The following PTPRM variants were observed in gnomAD, a reference collection of about 807,000 sequenced individuals.
PTPRM encodes protein tyrosine phosphatase receptor type M.
A neutral mutation model predicts 186.7 loss-of-function variants in PTPRM; 47 were observed. The ratio of observed to expected loss-of-function variants is 0.25; its 90% confidence interval spans 0.20 to 0.32. PTPRM has a LOEUF of 0.32. Among genes scored for constraint, PTPRM ranks in the 10% least tolerant of loss-of-function variants. The probability of loss-of-function intolerance (pLI) is 1.00; values close to 1 mark genes in which losing one functional copy is unlikely to be tolerated. For missense variants in PTPRM, 1,494 were observed against 1,865.0 expected (o/e 0.80, Z 3.66); for synonymous variants, 668 against 674.9 (o/e 0.99, Z 0.16).
intron 19 of PTPRM, among the ~76,000 whole-genome samples, chr18:8,288,660 A>C (rs2094985845): frequency 6.6e-6 from 1 of 152,094 alleles, no homozygotes. Flanking sequence ...TCCCCTTGTC[A>C]CTCACTTGAA....
At chr18:7,643,189 C>G (rs970774962) in intron 1 of PTPRM, among the ~76,000 whole-genome samples, 2 of 152,034 alleles carry the variant, frequency 1.3e-5, no homozygotes, top group Non-Finnish European at 2.9e-5. Context: ...GCTGGGTGCT[C>G]TCTTTCAATT....
intron 1 of PTPRM, among the ~76,000 whole-genome samples, chr18:7,770,267 A>T (rs954122633): frequency 6.6e-6 from 1 of 152,194 alleles, no homozygotes; most frequent in Admixed American, 6.5e-5. Flanking sequence ...TGTCCCCCAT[A>T]GCATTTATTT....
chr18:8,137,541 C>T (rs551767469), intron 13 of PTPRM, among the ~76,000 whole-genome samples: 3 of 152,286 alleles, frequency 2.0e-5, no homozygotes, highest in Admixed American at 1.3e-4. Context: ...AGTGAGCCTG[C>T]GTATTGCTGC....
intron 1 of PTPRM, among the ~76,000 whole-genome samples, chr18:7,623,260 T>C (rs536033720): frequency 6.6e-6 from 1 of 152,312 alleles, no homozygotes; most frequent in South Asian, 2.1e-4. Flanking sequence ...AGAATCACTT[T>C]GTTTTTAACC....
At chr18:8,033,126 T>C (rs1243028811) in intron 7 of PTPRM, among the ~76,000 whole-genome samples, 1 of 152,080 alleles carries the variant, frequency 6.6e-6, no homozygotes, top group Non-Finnish European at 1.5e-5. Context: ...GAGAAAAAAT[T>C]TAAAATCTGA....
At chr18:8,240,598 GGAGAGAGAGAGAGAGGGAGGGA>G (rs2094409840) in intron 14 of PTPRM, among the ~76,000 whole-genome samples, 1 of 107,002 alleles carries the variant, frequency 9.3e-6, no homozygotes, top group Non-Finnish European at 1.8e-5. Flanking sequence ...CAACCTGCAT[GGAGAGAGAGAGAGAGGGAGGGA>G]GAGAGAGAGA....
chr18:8,087,704 A>G (rs2090501782), intron 10 of PTPRM, among the ~76,000 whole-genome samples: 2 of 152,190 alleles, frequency 1.3e-5, no homozygotes, highest in Non-Finnish European at 1.5e-5. Flanking sequence ...GAGAATTGAA[A>G]TAAATTTTAA....
chr18:8,084,199 A>T (rs927691911), intron 9 of PTPRM, among the ~76,000 whole-genome samples: 5 of 152,130 alleles, frequency 3.3e-5, no homozygotes, highest in Admixed American at 6.6e-5. Flanking sequence ...GAGGGGCTCA[A>T]TGAATATGTT....
chr18:8,000,413 A>G (rs1397496473), intron 7 of PTPRM, among the ~76,000 whole-genome samples: 4 of 152,210 alleles, frequency 2.6e-5, no homozygotes, highest in Non-Finnish European at 5.9e-5. Context: ...TTTGATGTAT[A>G]ATGGTCTTAC....
At chr18:8,289,561 C>CATATATAT (rs2095012058) in intron 19 of PTPRM, among the ~76,000 whole-genome samples, 1 of 76,870 alleles carries the variant, frequency 1.3e-5, no homozygotes, top group African/African-American at 6.6e-5. Flanking sequence ...CATATATATA[C>CATATATAT]ACATATATAT....
chr18:8,346,599 A>G (rs553709234), intron 23 of PTPRM, among the ~76,000 whole-genome samples: 25 of 152,278 alleles, frequency 1.6e-4, no homozygotes, highest in Non-Finnish European at 2.5e-4. Flanking sequence ...AGTCCATAAC[A>G]GCCTGCTTAA....
intron 19 of PTPRM, among the ~76,000 whole-genome samples, chr18:8,261,100 A>C (rs567226564): frequency 6.6e-6 from 1 of 152,174 alleles, no homozygotes; most frequent in Non-Finnish European, 1.5e-5. Flanking sequence ...CAGCCCACAC[A>C]CTTTTCAGAT....
chr18:7,925,801 T>A (rs1168753651), intron 4 of PTPRM, among the ~76,000 whole-genome samples: 1 of 152,216 alleles, frequency 6.6e-6, no homozygotes, highest in African/African-American at 2.4e-5. Context: ...AAGTCCTGAC[T>A]TACCGTCCTG....
chr18:7,885,949 A>T (rs2048761555), intron 2 of PTPRM, among the ~76,000 whole-genome samples: 1 of 152,180 alleles, frequency 6.6e-6, no homozygotes, highest in Non-Finnish European at 1.5e-5. Context: ...GCTTCACAGG[A>T]TGTGGGCAAC....
chr18:7,987,451 A>G (rs2083024571), intron 7 of PTPRM, among the ~76,000 whole-genome samples: 1 of 152,186 alleles, frequency 6.6e-6, no homozygotes, highest in South Asian at 2.1e-4. Context: ...CAGACATGAG[A>G]ATCAGTGACT....
At chr18:7,835,670 A>T (rs1057117193) in intron 2 of PTPRM, among the ~76,000 whole-genome samples, 1 of 152,064 alleles carries the variant, frequency 6.6e-6, no homozygotes, top group South Asian at 2.1e-4. Context: ...TGGGATGTTG[A>T]TATCTCCAGC....
intron 5 of PTPRM, among the ~76,000 whole-genome samples, chr18:7,939,596 C>G (rs1160720861): frequency 6.6e-6 from 1 of 152,104 alleles, no homozygotes; most frequent in African/African-American, 2.4e-5. Flanking sequence ...CTGTATTTAA[C>G]CCGGTCAGAT....
In PTPRM at chr18:8,069,850, G is replaced by A. The variant is rs2089349835; in HGVS notation, c.1297G>A (p.Val433Ile). 6.2e-7 allele frequency: 1 copy of A among 1,613,896 alleles called. No individual in the cohort carries two copies. The highest frequency in any genetic ancestry group is 1.3e-5 in the African/African-American group (1 of 74,914). The change falls in exon 8 of 33, where the codon GTA (valine) becomes ATA (isoleucine). Residue 433 changes from valine to isoleucine, a missense_variant. Transcript: ENST00000580170. Reference protein sequence around the residue: ...VGGQEQVREEVSWDTENSHPQ... With the variant: ...VGGQEQVREEISWDTENSHPQ... ...AGGACAAGAACAAGTGCGAGAAGAA[G>A]TAAGCTGGGATACAGAAAACTCACA...
chr18:8,306,947 G>A (rs1016622660), intron 20 of PTPRM, among the ~76,000 whole-genome samples: 9 of 152,156 alleles, frequency 5.9e-5, no homozygotes, highest in Admixed American at 2.0e-4. Flanking sequence ...ATTTGTCTTT[G>A]TAATTGGCAT....
Sources: allele counts gnomAD v4.1 joint callset (sites outside exome capture counted in the v4.1 genomes callset), GRCh38; gene constraint gnomAD v4.1.1; transcripts MANE v1.5; gene names NCBI Gene and HGNC (gene_info 2026-07-23, HGNC 2026-07-21).